SLC24A4: variants seen among roughly 807,000 people sequenced by gnomAD.
SLC24A4 encodes the protein solute carrier family 24 member 4, also known as sodium/potassium/calcium exchanger 4.
Under a neutral mutation model 79.0 loss-of-function variants are expected in SLC24A4, and 53 were observed. The observed-to-expected ratio is 0.67, with a 90% CI of 0.54 to 0.84. The LOEUF (loss-of-function observed/expected upper bound fraction) is 0.84. SLC24A4 is among the 40% of genes least tolerant of loss of function. SLC24A4 has a pLI of 0.00. For missense variants in SLC24A4, 731 were observed against 822.0 expected, an observed-to-expected ratio of 0.89 and a Z score of 1.35; for synonymous variants, 323 against 323.8, an observed-to-expected ratio of 1.00 and a Z score of 0.03.
chr14:92,394,142 A>G (rs1052068795), intron 2 of SLC24A4, among the ~76,000 whole-genome samples: 15 of 151,988 alleles, frequency 9.9e-5, no homozygotes, highest in Admixed American at 3.3e-4. Flanking sequence ...ACCATTCCAG[A>G]TGACATACTG....
rs751173749 is a variant in SLC24A4 at position 92,447,320 on chromosome 14, C to T, written c.684-51C>T. 3 of 1,573,042 alleles carry T rather than the reference C, an allele frequency of 1.9e-6. No homozygotes were observed. The Admixed American group carries it at 5.0e-5, about 26-fold the overall frequency. ...TTCTGGACCCCTCATTCCCAGCCTT[C>T]ACCTGCCCCGGGCCCCGAGCTCTAA... On this transcript the variant is annotated intron_variant, in intron 8 of 16. Coordinates refer to ENST00000532405, the MANE Select transcript of SLC24A4 (RefSeq NM_153646.4).
At chr14:92,376,224 C>T (rs1383586914) in intron 2 of SLC24A4, among the ~76,000 whole-genome samples, 3 of 152,136 alleles carry the variant, frequency 2.0e-5, no homozygotes, top group African/African-American at 7.2e-5. Context: ...GTTACTTGGC[C>T]TCTCAAATGG....
intron 11 of SLC24A4, 63 bp from the exon 12 acceptor site, chr14:92,456,341 T>C (rs1893459290): frequency 4.5e-6 from 7 of 1,568,028 alleles, no homozygotes; most frequent in Non-Finnish European, 6.1e-6. Context: ...GGACCCAGCG[T>C]ATAGCAATAG....
At chr14:92,475,786 A>G (rs1894728702) in intron 12 of SLC24A4, among the ~76,000 whole-genome samples, 1 of 152,236 alleles carries the variant, frequency 6.6e-6, no homozygotes, top group South Asian at 2.1e-4. Context: ...AAAGGAAACC[A>G]GTTTCCTGGA....
intron 12 of SLC24A4, among the ~76,000 whole-genome samples, chr14:92,470,348 A>G (rs1032984947): frequency 2.0e-5 from 3 of 152,196 alleles, no homozygotes; most frequent in Non-Finnish European, 4.4e-5. Context: ...TCTACTCTGC[A>G]TCATCCAGTG....
At chr14:92,435,385 C>G (rs528820572) in intron 3 of SLC24A4, among the ~76,000 whole-genome samples, 2 of 152,338 alleles carry the variant, frequency 1.3e-5, no homozygotes, top group East Asian at 3.9e-4. Context: ...TCTGTAATAT[C>G]TATTTTTTCA....
chr14:92,326,918 C>T (rs1274570219), intron 2 of SLC24A4, among the ~76,000 whole-genome samples: 1 of 152,130 alleles, frequency 6.6e-6, no homozygotes, highest in East Asian at 1.9e-4. Context: ...ACTGGGAAGG[C>T]TGTGTTGGGG....
chr14:92,329,608 T>G (rs1258686050), intron 2 of SLC24A4, among the ~76,000 whole-genome samples: 1 of 152,204 alleles, frequency 6.6e-6, no homozygotes, highest in Non-Finnish European at 1.5e-5. Flanking sequence ...TGGCAGCCTC[T>G]ACCACCCTGG....
At chr14:92,443,016 T>A (rs1363091593) in intron 6 of SLC24A4, among the ~76,000 whole-genome samples, 200 bp downstream of exon 6, 1 of 152,138 alleles carries the variant, frequency 6.6e-6, no homozygotes, top group Non-Finnish European at 1.5e-5. Flanking sequence ...TTAGATATCC[T>A]CAGAGCCCCA....
chr14:92,413,210 G>C (rs1890816133), intron 2 of SLC24A4, among the ~76,000 whole-genome samples: 1 of 152,126 alleles, frequency 6.6e-6, no homozygotes, highest in South Asian at 2.1e-4. Context: ...CCAATAAGGA[G>C]AGTCCTTATC....
rs933099159 is a variant in SLC24A4, at chr14:92,498,622, C to G, written c.*4994C>G. 2 of 151,980 alleles carry G rather than the reference C, an allele frequency of 1.3e-5. No individual in the cohort carries two copies. The highest frequency in any genetic ancestry group is 4.8e-5 in the African/African-American group (2 of 41,330). The allele number at this position is 151,980 out of a possible 1,614,324, so 9.4% of individuals were successfully genotyped here. On this transcript the variant is annotated 3_prime_UTR_variant, in exon 17 of 17. Transcript: ENST00000532405. ...AAGTGATTCTCCCACCTCAGCCTCT[C>G]TGGTAGCTGGGACTACAGGCACGCG...
chr14:92,429,364 GTGAGATAGATAAGTA>G (rs1891736254), intron 2 of SLC24A4, among the ~76,000 whole-genome samples: 1 of 27,914 alleles, frequency 3.6e-5, no homozygotes, highest in Non-Finnish European at 6.0e-5. Flanking sequence ...TTTAGTGTAT[GTGAGATAGATAAGTA>G]TGTGAGATAG....
rs911758489 is a variant in SLC24A4, at chr14:92,483,955, G to A, written c.1422+1109G>A. 20 of 1,235,624 alleles carry A rather than the reference G, an allele frequency of 1.6e-5. No homozygotes were observed. The East Asian group carries it at 1.7e-4, about 11-fold the overall frequency. The allele number at this position is 1,235,624 out of a possible 1,614,324, so 76.5% of individuals were successfully genotyped here. A position where few individuals can be genotyped will look rare whatever the true frequency, so the allele number is the denominator to read the frequency against. ...CCTTTCCCTTAACTCCAGAGAAACC[G>A]TGTCGTTTGGTGGGGAACAAAGGAT... is the stretch of plus-strand genomic sequence containing the variant. On this transcript the variant is annotated intron_variant, in intron 13 of 16. Coordinates refer to ENST00000532405, the MANE Select transcript of SLC24A4 (RefSeq NM_153646.4).
rs183665134 is a variant in SLC24A4 at position 92,490,959 on chromosome 14, A to G, written c.1538-706A>G. 3.5e-3 allele frequency among the ~76,000 whole-genome samples: 526 copies of G among 152,320 alleles called. 4 individuals are homozygous for G. Among genetic ancestry groups the G allele is most frequent in the African/African-American group, 0.012 (505 of 41,564 alleles). ...TCATCTTTGCCCAGGTTCTCCCTGC[A>G]TGTCCAGTTTTCTCCTTTTTATAAG... On this transcript the variant is annotated intron_variant, in intron 14 of 16. Coordinates refer to ENST00000532405, the MANE Select transcript of SLC24A4 (RefSeq NM_153646.4). The surrounding 1 kb of genome is among the most constrained non-coding windows in gnomAD (Gnocchi z 4.3).
chr14:92,467,989 T>C (rs1566790313), intron 12 of SLC24A4, among the ~76,000 whole-genome samples: 1 of 152,198 alleles, frequency 6.6e-6, no homozygotes, highest in Non-Finnish European at 1.5e-5. Context: ...AGTAAAACTT[T>C]CTGAATTCAT....
rs7156992 is a variant in SLC24A4, at chr14:92,338,458, A to G, written c.241+12480A>G. 6.2e-3 allele frequency among the ~76,000 whole-genome samples: 943 copies of G among 152,356 alleles called. 9 individuals are homozygous for G. The highest frequency in any genetic ancestry group is 0.022 in the African/African-American group (902 of 41,576). ...TCAGAATTGATCTATAAAATCATGA[A>G]CAGGATTTGGTGAAAGCATGGTGCT... On this transcript the variant is annotated intron_variant, in intron 2 of 16. Transcript: ENST00000532405.
At chr14:92,418,759 T>A (rs919186807) in intron 2 of SLC24A4, among the ~76,000 whole-genome samples, 1 of 152,220 alleles carries the variant, frequency 6.6e-6, no homozygotes, top group Non-Finnish European at 1.5e-5. Flanking sequence ...TGGAGTGCAG[T>A]GGCGTGATCT....
chr14:92,390,708 C>T (rs1006619836), intron 2 of SLC24A4, among the ~76,000 whole-genome samples: 10 of 152,118 alleles, frequency 6.6e-5, no homozygotes, highest in Non-Finnish European at 1.0e-4. Flanking sequence ...CCAAACAGGC[C>T]GGCTGGCAGC....
At chr14:92,331,915 A>C (rs1399279918) in intron 2 of SLC24A4, among the ~76,000 whole-genome samples, 1 of 152,192 alleles carries the variant, frequency 6.6e-6, no homozygotes, top group Non-Finnish European at 1.5e-5. Context: ...TTCTTAATAA[A>C]ATTTTTCCTC....
Sources: gnomAD v4.1 joint callset for allele counts (sites outside exome capture counted in the v4.1 genomes callset) on GRCh38, gnomAD v4.1.1 for gene constraint, Gnocchi (gnomAD v3.1) non-coding constraint, MANE v1.5 for transcripts, NCBI Gene and HGNC (gene_info 2026-07-23, HGNC 2026-07-21) for gene names.